Variants in ME3 observed in about 807,000 individuals in gnomAD.
ME3 encodes the protein malic enzyme 3.
In ME3, 48 loss-of-function variants were observed where a neutral mutation model predicts 68.9. The observed-to-expected ratio is 0.70, with a 90% CI of 0.55 to 0.89. The LOEUF is 0.89. Among genes scored for constraint, ME3 ranks in the 40% least tolerant of loss-of-function variants. The pLI, the probability that ME3 is intolerant of heterozygous loss-of-function variation, is 0.00. For synonymous variants in ME3, 320 were observed against 318.8 expected (o/e 1.00, Z -0.04); for missense variants, 675 against 797.4 (o/e 0.85, Z 1.85).
At chr11:86,671,663 G>A in intron 2 of ME3, 99 bp downstream of exon 2, 1 of 1,466,204 alleles carries the variant, frequency 6.8e-7, no homozygotes, top group Non-Finnish European at 9.3e-7. Context: ...CCGCTGGAAG[G>A]GCGCCCGGGA....
intron 2 of ME3, among the ~76,000 whole-genome samples, chr11:86,634,127 A>T (rs980470465): frequency 7.6e-6 from 1 of 131,526 alleles, no homozygotes; most frequent in Non-Finnish European, 1.8e-5. Context: ...AAGGAGGAAG[A>T]AAAAAAGGAG....
At chr11:86,603,493 G>A (rs542742640) in intron 2 of ME3, among the ~76,000 whole-genome samples, 6 of 150,976 alleles carry the variant, frequency 4.0e-5, no homozygotes, top group African/African-American at 4.8e-5. Context: ...ACTTTTACAC[G>A]GTGGGACTGT....
intron 4 of ME3, among the ~76,000 whole-genome samples, chr11:86,542,954 T>G (rs920766723): frequency 1.3e-5 from 2 of 152,216 alleles, no homozygotes; most frequent in African/African-American, 2.4e-5. Context: ...ACAGAGGATC[T>G]TTCTGCAGAA....
Position 86,442,939 on chromosome 11 carries a change from C to G in ME3, c.1555-20G>C. On this transcript the variant is annotated intron_variant, in intron 13 of 14. Coordinates refer to ENST00000543262, the Ensembl canonical transcript of ME3. ...AATTTGCTGGGGAGAAGGAGAGAAC[C>G]GAGAGGAATAAGCTGAGTCTCTGCC... 1 of 1,586,292 alleles carries G rather than the reference C, an allele frequency of 6.3e-7. No homozygotes were observed. The highest frequency in any genetic ancestry group is 8.7e-7 in the Non-Finnish European group (1 of 1,156,056).
At chr11:86,526,584 G>A (rs1296321933) in intron 4 of ME3, among the ~76,000 whole-genome samples, 1 of 152,196 alleles carries the variant, frequency 6.6e-6, no homozygotes, top group Non-Finnish European at 1.5e-5. Flanking sequence ...GTGGGTCCCT[G>A]ACCCCCAAAT....
intron 5 of ME3, among the ~76,000 whole-genome samples, chr11:86,503,757 G>T (rs1334865604): frequency 6.6e-6 from 1 of 152,246 alleles, no homozygotes; most frequent in African/African-American, 2.4e-5. Context: ...TGTTTACAGA[G>T]GATGTGCCCA....
intron 2 of ME3, among the ~76,000 whole-genome samples, chr11:86,595,200 A>G (rs147442146): frequency 4.2e-5 from 6 of 144,530 alleles, no homozygotes; most frequent in African/African-American, 1.5e-4. Flanking sequence ...TAAAGAAATA[A>G]AATAGGTAAA....
chr11:86,531,761 G>A (rs1955250915), intron 4 of ME3, among the ~76,000 whole-genome samples: 1 of 145,770 alleles, frequency 6.9e-6, no homozygotes, highest in Admixed American at 7.1e-5. Flanking sequence ...TCACTCATAG[G>A]TGGGAATTGA....
intron 2 of ME3, among the ~76,000 whole-genome samples, chr11:86,619,495 T>C (rs899339342): frequency 1.3e-5 from 2 of 152,340 alleles, no homozygotes; most frequent in Non-Finnish European, 2.9e-5. Context: ...TCCCACATGT[T>C]GTGGGAGGCA....
At chr11:86,487,073 G>A (rs371039347) in intron 7 of ME3, among the ~76,000 whole-genome samples, 6 of 152,144 alleles carry the variant, frequency 3.9e-5, no homozygotes, top group Non-Finnish European at 5.9e-5. Flanking sequence ...CTGGGACAAT[G>A]ATACTTAACT....
At chr11:86,448,165 G>A (rs759396939) in exon 11 of ME3, 3 of 1,613,310 alleles carry the variant, frequency 1.9e-6, no homozygotes, top group Non-Finnish European at 1.7e-6. Flanking sequence ...ATGGCTGTGG[G>A]CTTCACCAGC....
chr11:86,562,151 A>G (rs985677175), intron 2 of ME3, among the ~76,000 whole-genome samples: 1 of 152,172 alleles, frequency 6.6e-6, no homozygotes. Flanking sequence ...CTAGAATGTC[A>G]TACAATTGGA....
At chr11:86,647,018 A>T (rs573577634) in intron 2 of ME3, among the ~76,000 whole-genome samples, 63 of 152,208 alleles carry the variant, frequency 4.1e-4, no homozygotes, top group Non-Finnish European at 8.1e-4. Flanking sequence ...TTTTGTCACT[A>T]CCAGGCCTGC....
At chr11:86,630,394 C>T (rs1370468057) in intron 2 of ME3, among the ~76,000 whole-genome samples, 3 of 152,132 alleles carry the variant, frequency 2.0e-5, no homozygotes, top group African/African-American at 7.2e-5. Context: ...TGGGTTTGGT[C>T]TCCAGAGCCT....
intron 2 of ME3, among the ~76,000 whole-genome samples, chr11:86,621,271 T>G (rs1268300599): frequency 6.6e-6 from 1 of 152,246 alleles, no homozygotes; most frequent in Non-Finnish European, 1.5e-5. Flanking sequence ...TTCAACAATT[T>G]CAATCCAGGC....
chr11:86,625,430 G>C (rs1294414879), intron 2 of ME3, among the ~76,000 whole-genome samples: 1 of 151,938 alleles, frequency 6.6e-6, no homozygotes, highest in African/African-American at 2.4e-5. Context: ...ACATAATCAG[G>C]AACCTCCCAT....
At chr11:86,442,294 T>C (rs1401343688) in intron 14 of ME3, among the ~76,000 whole-genome samples, 1 of 152,162 alleles carries the variant, frequency 6.6e-6, no homozygotes, top group Non-Finnish European at 1.5e-5. Flanking sequence ...AAGAAAGAGA[T>C]TTACCCTGGC....
intron 4 of ME3, among the ~76,000 whole-genome samples, chr11:86,520,657 A>C (rs959098003): frequency 6.6e-6 from 1 of 152,152 alleles, no homozygotes; most frequent in Admixed American, 6.5e-5. Context: ...ATTTTCCTCC[A>C]GTAGACTTGA....
At chr11:86,451,201 A>T (rs1392790364) in intron 8 of ME3, among the ~76,000 whole-genome samples, 1 of 152,246 alleles carries the variant, frequency 6.6e-6, no homozygotes, top group Non-Finnish European at 1.5e-5. Context: ...ACATTGATTC[A>T]TGAGCAGTTG....
Sources: gnomAD v4.1 joint callset for allele counts (sites outside exome capture counted in the v4.1 genomes callset) on GRCh38, gnomAD v4.1.1 for gene constraint, MANE v1.5 for transcripts, NCBI Gene and HGNC (gene_info 2026-07-23, HGNC 2026-07-21) for gene names.